The following ZNF543 variants were observed in gnomAD, a reference collection of about 807,000 sequenced individuals.
The protein encoded by ZNF543 is zinc finger protein 543.
Under a neutral mutation model 13.4 loss-of-function variants are expected in ZNF543, and 10 were observed. That is an observed-to-expected ratio of 0.75 (90% CI 0.46 to 1.26). The LOEUF is 1.26. ZNF543 is among the 50% of genes most tolerant of loss of function. The probability of loss-of-function intolerance (pLI) is 0.00; values close to 1 mark genes in which losing one functional copy is unlikely to be tolerated. For missense variants in ZNF543, 768 were observed against 741.2 expected (o/e 1.04, Z -0.42); for synonymous variants, 272 against 264.7 (o/e 1.03, Z -0.27).
At chr19:57,327,227 T>G (rs1395179048) in intron 3 of ZNF543, among the ~76,000 whole-genome samples, 2 of 151,762 alleles carry the variant, frequency 1.3e-5, no homozygotes, top group Non-Finnish European at 2.9e-5. Context: ...AATAAAAAAT[T>G]ATGGCTAACA....
rs71354045 is a variant in ZNF543 at position 57,329,494 on chromosome 19, T to C, written c.*229T>C. On this transcript the variant is annotated 3_prime_UTR_variant, in exon 4 of 4. Transcript: ENST00000321545. The stretch of plus-strand genomic sequence containing the variant: ...CCACATCTTTCTTCTTAGTTTACAG[T>C]GAAATATTATCTCAGGGATATTTTT... 0.014 allele frequency: 6,811 copies of C among 490,906 alleles called. 75 individuals carry two copies. The highest frequency in any genetic ancestry group is 0.017 in the Non-Finnish European group (4,925 of 287,582). The allele number at this position is 490,906 out of a possible 1,614,324, so 30.4% of individuals were successfully genotyped here.
intron 2 of ZNF543, among the ~76,000 whole-genome samples, chr19:57,325,721 T>C (rs933615051): frequency 1.6e-4 from 25 of 152,122 alleles, no homozygotes; most frequent in Non-Finnish European, 5.9e-5. Context: ...CCGGCTACTT[T>C]TTGTATTTTT....
In ZNF543 at chr19:57,320,606, G is replaced by A; in HGVS notation, c.-248G>A. The stretch of plus-strand genomic sequence containing the variant: ...TACGCGCCTTCTCCGCATCTTGGCG[G>A]GAGCCTGACGCCCCGCTTCTTCCCT... On this transcript the variant is annotated 5_prime_UTR_variant, in exon 1 of 4. Transcript: ENST00000321545. 1.9e-6 allele frequency: 1 copy of A among 531,970 alleles called. No homozygotes were observed. The highest frequency in any genetic ancestry group is 2.3e-5 in the South Asian group (1 of 44,010). The allele number at this position is 531,970 out of a possible 1,614,324, so 33.0% of individuals were successfully genotyped here.
At chr19:57,323,555 C>T (rs1303840297) in intron 1 of ZNF543, 127 bp from the exon 2 acceptor site, 14 of 1,204,502 alleles carry the variant, frequency 1.2e-5, no homozygotes, top group Admixed American at 5.2e-5. Flanking sequence ...CAGATCATGG[C>T]CCTCTAGAGA....
chr19:57,323,938 C>G lies in ZNF543; in HGVS notation c.145+130C>G, dbSNP rs4801468. ...AGGGGTGTTCACCATTGGCTCTGAG[C>G]GTAGCACTTGGGAGACCAGGGTCTG... On this transcript the variant is annotated intron_variant, in intron 2 of 3. Coordinates refer to ENST00000321545, the MANE Select transcript of ZNF543 (RefSeq NM_213598.4). The G allele has an allele frequency of 3.6e-5, 42 of 1,169,550 alleles. No individual in the cohort carries two copies. The African/African-American group carries it at 5.9e-4, about 16-fold the overall frequency. The allele number at this position is 1,169,550 out of a possible 1,614,324, so 72.4% of individuals were successfully genotyped here.
chr19:57,329,436 C>A lies in ZNF543; in HGVS notation c.*171C>A. 1.2e-6 allele frequency: 1 copy of A among 835,832 alleles called. No individual in the cohort carries two copies. Among genetic ancestry groups the A allele is most frequent in the Non-Finnish European group, 1.8e-6 (1 of 556,590 alleles). The allele number at this position is 835,832 out of a possible 1,614,324, so 51.8% of individuals were successfully genotyped here. On this transcript the variant is annotated 3_prime_UTR_variant, in exon 4 of 4. Transcript: ENST00000321545. The stretch of plus-strand genomic sequence containing the variant: ...TGAGAATTCACCCATGAGAGAGACC[C>A]AGTGGTTGCTATGCACTTAGGAAAA...
chr19:57,321,773 G>T (rs1326705348), intron 1 of ZNF543, among the ~76,000 whole-genome samples: 2 of 152,176 alleles, frequency 1.3e-5, no homozygotes, highest in Non-Finnish European at 2.9e-5. Context: ...TGCCCGCAAT[G>T]GTTAGGGAGG....
chr19:57,324,448 G>A (rs927677359), intron 2 of ZNF543, among the ~76,000 whole-genome samples: 1 of 152,066 alleles, frequency 6.6e-6, no homozygotes, highest in Non-Finnish European at 1.5e-5. Context: ...ATAGGTGGCT[G>A]GGCGCAGGTT....
In ZNF543 at chr19:57,328,821, CAAAGAATGTGGA is replaced by C. The variant is rs1268821520; in HGVS notation, c.1364_1375del (p.Glu455_Lys458del). On this transcript the variant is annotated inframe_deletion, in exon 4 of 4. Transcript: ENST00000321545. ...ACACAGGAGAAAAACCCTATGAATGCAAAGAATGTGGAAAAGCCTTTAGTGATAGGGCAGACC... is the reference window on the plus strand; with the variant it reads ...ACACAGGAGAAAAACCCTATGAATGCAAAGCCTTTAGTGATAGGGCAGACC... The C allele has an allele frequency of 6.2e-7, 1 of 1,614,074 alleles. No individual in the cohort carries two copies. Among genetic ancestry groups the C allele is most frequent in the South Asian group, 1.1e-5 (1 of 91,078 alleles).
rs184032460 is a variant in ZNF543, at chr19:57,328,436, G to C, written c.974G>C (p.Gly325Ala). ...ECGKAFRDRP[G>A]FIRHYIIHTG... is the part of the protein sequence containing the mutation. ...GGCAAAGCCTTTCGAGATAGGCCAG[G>C]TTTCATTCGACACTACATCATCCAC... The change falls in exon 4 of 4, where the codon GGT becomes GCT. Residue 325 changes from glycine (G) to alanine (A), a missense_variant. Transcript: ENST00000321545. 17 of 1,608,078 alleles carry C rather than the reference G, an allele frequency of 1.1e-5. 1 individual carries two copies. The Admixed American group carries it at 2.5e-4, about 24-fold the overall frequency.
Position 57,320,534 on chromosome 19 carries a change from G to A in ZNF543, c.-320G>A. On this transcript the variant is annotated 5_prime_UTR_variant, in exon 1 of 4. Coordinates refer to ENST00000321545, the MANE Select transcript of ZNF543 (RefSeq NM_213598.4). ...GGAACAGTGTGGGGCCTGGACCGCT[G>A]GGTAGGCGCGTCCAGCGGCCTGAGC... 1 of 365,456 alleles carries A rather than the reference G, an allele frequency of 2.7e-6. No individual in the cohort carries two copies. Among genetic ancestry groups the A allele is most frequent in the Non-Finnish European group, 5.1e-6 (1 of 197,104 alleles). 22.6% of individuals were successfully genotyped at this position (365,456 alleles called of 1,614,324 possible).
In ZNF543 at chr19:57,327,854, A is replaced by T. The variant is rs2088132428; in HGVS notation, c.392A>T (p.Gln131Leu). 2 of 1,614,142 alleles carry T rather than the reference A, an allele frequency of 1.2e-6. No individual in the cohort carries two copies. The highest frequency in any genetic ancestry group is 1.7e-6 in the Non-Finnish European group (2 of 1,180,030). ...GATCAGGATGGGCCATCTGAAATGC[A>T]AGAAGTCCACTTGAAAATAGGGATA... The part of the protein sequence containing the change: ...SKDQDGPSEM[Q>L]EVHLKIGIGP... Residue 131 changes from glutamine to leucine, a missense_variant, in exon 4 of 4, where the codon CAA becomes CTA. By Grantham distance (113) the Gln-to-Leu change is moderately radical. Coordinates refer to ENST00000321545, the MANE Select transcript of ZNF543 (RefSeq NM_213598.4).
rs747003491 is a variant in ZNF543 at position 57,328,633 on chromosome 19, G to C, written c.1171G>C (p.Gly391Arg). The change falls in exon 4 of 4, where the codon GGG (glycine) becomes CGG (arginine). Residue 391 changes from glycine to arginine, a missense_variant. This residue lies in a region of ZNF543 where 677 missense variants were observed against 631.4 expected (regional missense o/e 1.07). Coordinates refer to ENST00000321545, the MANE Select transcript of ZNF543 (RefSeq NM_213598.4). ...DLIQHYIIHTGEKPYKCMECG... is the reference protein window; with the variant it reads ...DLIQHYIIHTREKPYKCMECG... Reference sequence around the variant, plus strand: ...CATTCAACACTACATTATCCACACTGGGGAGAAGCCCTATAAGTGCATGGA... The same window carrying C: ...CATTCAACACTACATTATCCACACTCGGGAGAAGCCCTATAAGTGCATGGA... 1 of 1,613,786 alleles carries C rather than the reference G, an allele frequency of 6.2e-7. No homozygotes were observed. The highest frequency in any genetic ancestry group is 1.7e-5 in the Admixed American group (1 of 59,972).
rs1291777303 is a variant in ZNF543, at chr19:57,329,239, A to G, written c.1777A>G (p.Ile593Val). The change falls in exon 4 of 4, where the codon ATC (isoleucine) becomes GTC (valine). Residue 593 changes from isoleucine (I) to valine (V), a missense_variant. Physicochemically the swap from Ile to Val is conservative, Grantham distance 29. This residue lies in a region of ZNF543 where 677 missense variants were observed against 631.4 expected (regional missense o/e 1.07). Transcript: ENST00000321545. ...TTTATTAGGGAAAGAGTTTTTGAAT[A>G]TCACCACTGAAGAAAATCTGTGGTG... is the stretch of plus-strand genomic sequence containing the variant. ...ELLLGKEFLN[I>V]TTEENLW 6 of 1,608,348 alleles carry G rather than the reference A, an allele frequency of 3.7e-6. No individual in the cohort carries two copies. In the African/African-American group the frequency reaches 5.4e-5, roughly 14 times the overall value.
intron 3 of ZNF543, 114 bp downstream of exon 3, chr19:57,326,842 G>A: frequency 1.2e-6 from 1 of 806,134 alleles, no homozygotes; most frequent in Non-Finnish European, 2.0e-6. Context: ...TGGGTGCTTG[G>A]GATCCATGGA....
In ZNF543 at chr19:57,328,775, T is replaced by C. The variant is rs1431174413; in HGVS notation, c.1313T>C (p.Phe438Ser). 5 of 1,614,080 alleles carry C rather than the reference T, an allele frequency of 3.1e-6. No homozygotes were observed. The highest frequency in any genetic ancestry group is 1.1e-5 in the South Asian group (1 of 91,078). Residue 438 changes from phenylalanine (F) to serine (S), a missense_variant, in exon 4 of 4, where the codon TTT becomes TCT. Phe to Ser is a radical substitution (Grantham distance 155). Around this residue, in one of 3 missense-constraint regions of ZNF543, gnomAD observed 677 missense variants for 631.4 expected, o/e 1.07. Coordinates refer to ENST00000321545, the MANE Select transcript of ZNF543 (RefSeq NM_213598.4). The stretch of plus-strand genomic sequence containing the variant: ...AAGGCCTTCACCCACTGCTCCACTT[T>C]TGTCTTGCATAAAAGGACCCACACA... The part of the protein sequence containing the change: ...CGKAFTHCST[F>S]VLHKRTHTGE...
At position 57,328,170 on chromosome 19, in the gene ZNF543, T is replaced by G. The variant is rs138441500; in HGVS notation, c.708T>G (p.Phe236Leu). 6.2e-7 allele frequency: 1 copy of G among 1,613,104 alleles called. No individual in the cohort carries two copies. The highest frequency in any genetic ancestry group is 1.3e-5 in the African/African-American group (1 of 74,910). The change falls in exon 4 of 4, where the codon TTT (phenylalanine) becomes TTG (leucine). Residue 236 changes from phenylalanine to leucine, a missense_variant. Around this residue, in one of 3 missense-constraint regions of ZNF543, gnomAD observed 677 missense variants for 631.4 expected, o/e 1.07. Transcript: ENST00000321545. ...AATGCACAGAGTGTGGGAAAACCTT[T>G]AGCAAGAGCACTCATCTTCTTCAGC... Reference protein sequence around the residue: ...PYECTECGKTFSKSTHLLQHL... With the variant: ...PYECTECGKTLSKSTHLLQHL...
chr19:57,325,908 C>A (rs1236047212), intron 2 of ZNF543, among the ~76,000 whole-genome samples: 1 of 152,296 alleles, frequency 6.6e-6, no homozygotes, highest in East Asian at 1.9e-4. Flanking sequence ...GGCAGCCTCC[C>A]TCATTTAGCC....
chr19:57,322,931 C>T (rs1480227014), intron 1 of ZNF543, among the ~76,000 whole-genome samples: 1 of 152,112 alleles, frequency 6.6e-6, no homozygotes, highest in East Asian at 1.9e-4. Flanking sequence ...AGGAGTCTGA[C>T]TCCTGAGCTG....
Sources: allele counts gnomAD v4.1 joint callset (sites outside exome capture counted in the v4.1 genomes callset), GRCh38; gene constraint gnomAD v4.1.1; regional missense constraint gnomAD v4.1.1; transcripts MANE v1.5; gene names NCBI Gene and HGNC (gene_info 2026-07-23, HGNC 2026-07-21).